HHEX: variants seen among roughly 807,000 people sequenced by gnomAD.
HHEX encodes hematopoietically-expressed homeobox protein HHEX.
A neutral mutation model predicts 27.0 loss-of-function variants in HHEX; 8 were observed. The ratio of observed to expected loss-of-function variants is 0.30; its 90% CI spans 0.17 to 0.54. The LOEUF (loss-of-function observed/expected upper bound fraction) is 0.54. Among genes scored for constraint, HHEX ranks in the 20% least tolerant of loss-of-function variants. HHEX has a pLI of 0.95. For synonymous variants in HHEX, 164 were observed against 161.5 expected, an observed-to-expected ratio of 1.02 and a Z score of -0.12; for missense variants, 326 against 357.2, an observed-to-expected ratio of 0.91 and a Z score of 0.70.
At chr10:92,690,417 G>A (rs914224937) in intron 1 of HHEX, 70 bp downstream of exon 1, 88 of 1,380,652 alleles carry the variant, frequency 6.4e-5, no homozygotes, top group Admixed American at 6.2e-4. Context: ...GGGAGGCCGA[G>A]GGGGCGAAGG....
At chr10:92,694,219 C>G (rs1845382414) in intron 3 of HHEX, among the ~76,000 whole-genome samples, 1 of 152,088 alleles carries the variant, frequency 6.6e-6, no homozygotes, top group Non-Finnish European at 1.5e-5. Context: ...TTTCTTTCCC[C>G]CTTAAACTTT....
Position 92,692,397 on chromosome 10 carries a change from C to G in HHEX, c.391C>G (p.Gln131Glu), listed in dbSNP as rs1325695460. ...GKPLLWSPFL[Q>E]RPLHKRKGGQ... Reference sequence around the variant, plus strand: ...ACCTCTACTCTGGAGCCCCTTCTTGCAGAGGCCTCTGCATAAAAGGAAAGG... The same window carrying G: ...ACCTCTACTCTGGAGCCCCTTCTTGGAGAGGCCTCTGCATAAAAGGAAAGG... Residue 131 changes from glutamine to glutamate, a missense_variant, in exon 2 of 4, where the codon CAG (glutamine) becomes GAG (glutamate). Transcript: ENST00000282728. 1 of 1,614,002 alleles carries G rather than the reference C, an allele frequency of 6.2e-7. No homozygotes were observed.
At chr10:92,691,814 T>G (rs193299586) in intron 1 of HHEX, 1 of 152,560 alleles carries the variant, frequency 6.6e-6, no homozygotes, top group Admixed American at 6.5e-5. Context: ...CCCCGCGGGC[T>G]GGGTGTGAAA....
Position 92,690,033 on chromosome 10 carries a change from C to A in HHEX, c.47C>A (p.Pro16Gln), listed in dbSNP as rs1335185921. ...CCGGCGGCGGGCGCCGTGGGGGTGCCGCTGTACGCGCCCACGCCGCTGCTG... is the reference window on the plus strand; with the variant it reads ...CCGGCGGCGGGCGCCGTGGGGGTGCAGCTGTACGCGCCCACGCCGCTGCTG... ...PGPAAGAVGV[P>Q]LYAPTPLLQP... Residue 16 changes from proline to glutamine, a missense_variant, in exon 1 of 4, where the codon CCG (proline) becomes CAG (glutamine). Pro to Gln is a moderately conservative substitution (Grantham distance 76). Coordinates refer to ENST00000282728, the MANE Select transcript of HHEX (RefSeq NM_002729.5). The A allele has an allele frequency of 6.6e-7, 1 of 1,516,816 alleles. No homozygotes were observed. The allele number at this position is 1,516,816 out of a possible 1,614,324, so 94.0% of individuals were successfully genotyped here. A position where few individuals can be genotyped will look rare whatever the true frequency, so the allele number is the denominator to read the frequency against.
At chr10:92,693,239 A>G (rs1000668024) in intron 3 of HHEX, among the ~76,000 whole-genome samples, 1 of 152,216 alleles carries the variant, frequency 6.6e-6, no homozygotes. Context: ...ATTATTTTCT[A>G]TCTAATGCCA....
At position 92,692,956 on chromosome 10, in the gene HHEX, A is replaced by G. The variant is rs576535903; in HGVS notation, c.591+204A>G. On this transcript the variant is annotated intron_variant, in intron 3 of 3. Coordinates refer to ENST00000282728, the MANE Select transcript of HHEX (RefSeq NM_002729.5). ...TAAAAGCACCTAATGGGGTTCCTATATCAATTATGCTTGGGTTTTCACACA... is the reference window on the plus strand; with the variant it reads ...TAAAAGCACCTAATGGGGTTCCTATGTCAATTATGCTTGGGTTTTCACACA... Among the ~76,000 whole-genome samples, 11 of 152,368 alleles carry G rather than the reference A, an allele frequency of 7.2e-5. No individual in the cohort carries two copies. The South Asian group carries it at 1.0e-3, about 14-fold the overall frequency.
In HHEX at chr10:92,692,379, C is replaced by T; in HGVS notation, c.373C>T (p.Leu125Phe). The change falls in exon 2 of 4, where the codon CTC becomes TTC. Residue 125 changes from leucine to phenylalanine, a missense_variant. Around this residue, in one of 4 missense-constraint regions of HHEX, gnomAD observed 215 missense variants for 196.4 expected, o/e 1.09. Coordinates refer to ENST00000282728, the MANE Select transcript of HHEX (RefSeq NM_002729.5). Reference sequence around the variant, plus strand: ...CTTCCCGCTCGCAGGCAAACCTCTACTCTGGAGCCCCTTCTTGCAGAGGCC... The same window carrying T: ...CTTCCCGCTCGCAGGCAAACCTCTATTCTGGAGCCCCTTCTTGCAGAGGCC... ...LRHDPLGKPL[L>F]WSPFLQRPLH... The T allele has an allele frequency of 2.5e-6, 4 of 1,613,646 alleles. No individual in the cohort carries two copies. The highest frequency in any genetic ancestry group is 2.5e-6 in the Non-Finnish European group (3 of 1,180,010).
chr10:92,691,980 G>A lies in HHEX; in HGVS notation c.362-388G>A, dbSNP rs114344374. The A allele has an allele frequency of 3.6e-3, 577 of 161,054 alleles. 3 individuals carry two copies. The highest frequency in any genetic ancestry group is 0.013 in the African/African-American group (540 of 41,724). 10.0% of individuals were successfully genotyped at this position (161,054 alleles called of 1,614,324 possible). Reference sequence around the variant, plus strand: ...GCACACACCCGGTGTTCGCAAGTGCGGCTCACCAAGGGAGATCCAAGGGGG... The same window carrying A: ...GCACACACCCGGTGTTCGCAAGTGCAGCTCACCAAGGGAGATCCAAGGGGG... On this transcript the variant is annotated intron_variant, in intron 1 of 3. Coordinates refer to ENST00000282728, the MANE Select transcript of HHEX (RefSeq NM_002729.5).
chr10:92,691,394 T>C (rs991530855), intron 1 of HHEX, among the ~76,000 whole-genome samples: 5 of 152,210 alleles, frequency 3.3e-5, no homozygotes, highest in Non-Finnish European at 2.9e-5. Flanking sequence ...GAAGCTTCAG[T>C]AGGGACCCTG....
Position 92,692,371 on chromosome 10 carries a change from A to G in HHEX, c.365A>G (p.Lys122Arg), listed in dbSNP as rs2135941466. Reference protein sequence around the residue: ...HALLRHDPLGKPLLWSPFLQR... With the variant: ...HALLRHDPLGRPLLWSPFLQR... ...GCGCCGCTCTTCCCGCTCGCAGGCA[A>G]ACCTCTACTCTGGAGCCCCTTCTTG... is the stretch of plus-strand genomic sequence containing the variant. The change falls in exon 2 of 4, where the codon AAA becomes AGA. Residue 122 changes from lysine (K) to arginine (R), a missense_variant. Physicochemically the swap from Lys to Arg is conservative, Grantham distance 26. Transcript: ENST00000282728. 1.2e-6 allele frequency: 2 copies of G among 1,613,044 alleles called. No individual in the cohort carries two copies. Among genetic ancestry groups the G allele is most frequent in the Non-Finnish European group, 1.7e-6 (2 of 1,179,920 alleles).
At position 92,692,752 on chromosome 10, in the gene HHEX, G is replaced by T. The variant is rs749658938; in HGVS notation, c.591G>T (p.Gln197His). ...NRRAKWRRLKQENPQSNKKEE... is the reference protein window; with the variant it reads ...NRRAKWRRLKHENPQSNKKEE... ...GCGCTAAATGGAGGAGACTAAAACA[G>T]GTATGGACATGGTTCTGTTTCTATG... The change falls in exon 3 of 4, where the codon CAG (glutamine) becomes CAT (histidine). Residue 197 changes from glutamine (Q) to histidine (H), a missense_variant and splice_region_variant. Transcript: ENST00000282728. 6.2e-7 allele frequency: 1 copy of T among 1,610,418 alleles called. No homozygotes were observed. Among genetic ancestry groups the T allele is most frequent in the South Asian group, 1.1e-5 (1 of 91,010 alleles).
At position 92,694,717 on chromosome 10, in the gene HHEX, T is replaced by C. The variant is rs1249268963; in HGVS notation, c.762T>C (p.Ser254=). ...TTGAATCAGAGATTTCAGAGGATTC[T>C]GATCAGGAAGTGGACATTGAGGGCG... ...EDLESEISED[S]DQEVDIEGDK... is the part of the protein sequence containing the mutation. Residue 254 remains serine (S), a synonymous_variant, in exon 4 of 4, where the codon TCT becomes TCC. Coordinates refer to ENST00000282728, the MANE Select transcript of HHEX (RefSeq NM_002729.5). 6.2e-7 allele frequency: 1 copy of C among 1,614,058 alleles called. No individual in the cohort carries two copies. Among genetic ancestry groups the C allele is most frequent in the Non-Finnish European group, 8.5e-7 (1 of 1,180,018 alleles).
chr10:92,693,527 G>A (rs1845376964), intron 3 of HHEX, among the ~76,000 whole-genome samples: 1 of 152,132 alleles, frequency 6.6e-6, no homozygotes. Flanking sequence ...TTGAAACAAT[G>A]AGTGGAGAAA....
chr10:92,692,614 C>A, intron 2 of HHEX, 68 bp downstream of exon 2: 1 of 1,603,852 alleles, frequency 6.2e-7, no homozygotes, highest in Non-Finnish European at 8.5e-7. Context: ...GGTCGCCGGG[C>A]CACCGAGAGA....
chr10:92,694,836 A>T lies in HHEX; in HGVS notation c.*68A>T. On this transcript the variant is annotated 3_prime_UTR_variant, in exon 4 of 4. Coordinates refer to ENST00000282728, the MANE Select transcript of HHEX (RefSeq NM_002729.5). ...TAATGTTTTGCTACAGAAAATCTTC[A>T]TAGAAGAACTGGAAGGCTATATAAG... 1 of 1,178,464 alleles carries T rather than the reference A, an allele frequency of 8.5e-7. No individual in the cohort carries two copies. Among genetic ancestry groups the T allele is most frequent in the Non-Finnish European group, 1.2e-6 (1 of 805,566 alleles). 73.0% of individuals were successfully genotyped at this position (1,178,464 alleles called of 1,614,324 possible). A position where few individuals can be genotyped will look rare whatever the true frequency, so the allele number is the denominator to read the frequency against.
intron 1 of HHEX, among the ~76,000 whole-genome samples, chr10:92,691,277 G>T (rs1845352708): frequency 6.6e-6 from 1 of 152,132 alleles, no homozygotes; most frequent in South Asian, 2.1e-4. Flanking sequence ...CAAATAAGCC[G>T]CCCGTGGTCC....
intron 2 of HHEX, 71 bp downstream of exon 2, chr10:92,692,617 C>T: frequency 1.2e-6 from 2 of 1,605,574 alleles, no homozygotes; most frequent in African/African-American, 2.7e-5. Flanking sequence ...CGCCGGGCCA[C>T]CGAGAGAGAG....
At chr10:92,690,476 G>T (rs9420589) in intron 1 of HHEX, 129 bp downstream of exon 1, 454,540 of 1,152,212 alleles carry the variant, frequency 0.39, 95,578 homozygotes, top group Non-Finnish European at 0.44. Context: ...AGCAGCTGTC[G>T]GGCACGCGCG....
Position 92,694,673 on chromosome 10 carries a change from C to G in HHEX, c.718C>G (p.Pro240Ala). The change falls in exon 4 of 4, where the codon CCT (proline) becomes GCT (alanine). Residue 240 changes from proline to alanine, a missense_variant. Around this residue, in one of 4 missense-constraint regions of HHEX, gnomAD observed 68 missense variants for 84.9 expected, o/e 0.80. Coordinates refer to ENST00000282728, the MANE Select transcript of HHEX (RefSeq NM_002729.5). Reference sequence around the variant, plus strand: ...GGATAGCTCTCAATGTTCGCCCTCCCCTGCCTCCCAGGAAGACCTTGAATC... The same window carrying G: ...GGATAGCTCTCAATGTTCGCCCTCCGCTGCCTCCCAGGAAGACCTTGAATC... ...SLDSSQCSPSPASQEDLESEI... is the reference protein window; with the variant it reads ...SLDSSQCSPSAASQEDLESEI... The G allele has an allele frequency of 6.2e-7, 1 of 1,614,106 alleles. No individual in the cohort carries two copies. The highest frequency in any genetic ancestry group is 8.5e-7 in the Non-Finnish European group (1 of 1,179,984).
Sources: allele counts gnomAD v4.1 joint callset (sites outside exome capture counted in the v4.1 genomes callset), GRCh38; gene constraint gnomAD v4.1.1; regional missense constraint gnomAD v4.1.1; transcripts MANE v1.5; gene names NCBI Gene and HGNC (gene_info 2026-07-23, HGNC 2026-07-21).